The following FSD1L variants were observed in gnomAD, a reference collection of about 807,000 sequenced individuals.
FSD1L encodes the protein fibronectin type III and SPRY domain containing 1 like.
A neutral mutation model predicts 71.6 loss-of-function variants in FSD1L; 45 were observed. The ratio of observed to expected loss-of-function variants is 0.63; its 90% CI spans 0.49 to 0.81. The LOEUF is 0.81. FSD1L is among the 30% of genes least tolerant of loss of function. The pLI, the probability that FSD1L is intolerant of heterozygous loss-of-function variation, is 0.00. For missense variants in FSD1L, 561 were observed against 618.1 expected (o/e 0.91, Z 0.98); for synonymous variants, 197 against 207.2 (o/e 0.95, Z 0.42).
At chr9:105,491,547 TGG>T (rs1295911803) in intron 7 of FSD1L, among the ~76,000 whole-genome samples, 2 of 151,806 alleles carry the variant, frequency 1.3e-5, no homozygotes, top group Non-Finnish European at 2.9e-5. Context: ...TGAATAGGAG[TGG>T]TGAGAGAGGG....
At chr9:105,539,952 C>A (rs1447527575) in intron 13 of FSD1L, among the ~76,000 whole-genome samples, 1 of 151,942 alleles carries the variant, frequency 6.6e-6, no homozygotes, top group Non-Finnish European at 1.5e-5. Context: ...GCTATGAATA[C>A]TTTTGTTCAT....
At chr9:105,525,481 A>C in intron 10 of FSD1L, 2 of 1,609,818 alleles carry the variant, frequency 1.2e-6, no homozygotes, top group South Asian at 2.2e-5. Context: ...TGACTTAAAC[A>C]TGAAAGCTGT....
intron 6 of FSD1L, among the ~76,000 whole-genome samples, chr9:105,482,219 C>T (rs1189236965): frequency 1.3e-5 from 2 of 152,142 alleles, no homozygotes; most frequent in Non-Finnish European, 2.9e-5. Flanking sequence ...CACAGAGGAA[C>T]AGCAGGATTA....
At chr9:105,449,535 A>G (rs1829857924) in intron 1 of FSD1L, among the ~76,000 whole-genome samples, 3 of 152,228 alleles carry the variant, frequency 2.0e-5, no homozygotes, top group African/African-American at 7.2e-5. Context: ...GCTATTTACT[A>G]GCTCTGTGAT....
At chr9:105,514,517 T>C (rs115603906) in intron 10 of FSD1L, among the ~76,000 whole-genome samples, 2,402 of 152,326 alleles carry the variant, frequency 0.016, 89 homozygotes, top group African/African-American at 0.055. Flanking sequence ...AGATGAGATG[T>C]ATGTACAAGT....
rs1382580370 is a variant in FSD1L, at chr9:105,520,356, A to C, written c.1025+7420A>C. The stretch of plus-strand genomic sequence containing the variant: ...TTTGGAAAGTGATGTTTATTTAGTG[A>C]AAAAAAGAATGCAGAATCTATTGAT... On this transcript the variant is annotated intron_variant, in intron 10 of 13. Transcript: ENST00000481272. 4.0e-6 allele frequency: 5 copies of C among 1,241,364 alleles called. No individual in the cohort carries two copies. The African/African-American group carries it at 7.4e-5, about 18-fold the overall frequency. 76.9% of individuals were successfully genotyped at this position (1,241,364 alleles called of 1,614,324 possible).
intron 5 of FSD1L, chr9:105,472,518 C>T (rs942671740): frequency 6.6e-6 from 1 of 151,596 alleles, no homozygotes; most frequent in South Asian, 2.1e-4. Context: ...AAATGATTAC[C>T]ATTTTGTCAA....
At position 105,475,911 on chromosome 9, in the gene FSD1L, A is replaced by G. The variant is rs931983476; in HGVS notation, c.442-3443A>G. Among the ~76,000 whole-genome samples the G allele has an allele frequency of 3.3e-5, 5 of 152,252 alleles. No homozygotes were observed. In the South Asian group the frequency reaches 6.2e-4, roughly 19 times the overall value. ...AATGTATGGAATCAACTGGTGTGCAATCTTTTTTTTTCCAAAGACATATTT... is the reference window on the plus strand; with the variant it reads ...AATGTATGGAATCAACTGGTGTGCAGTCTTTTTTTTTCCAAAGACATATTT... On this transcript the variant is annotated intron_variant, in intron 5 of 13. Transcript: ENST00000481272.
At chr9:105,479,108 C>G (rs777860789) in intron 5 of FSD1L, among the ~76,000 whole-genome samples, 45 of 152,064 alleles carry the variant, frequency 3.0e-4, no homozygotes, top group Non-Finnish European at 3.1e-4. Flanking sequence ...GGAATTTGTT[C>G]GAAGTGTTAA....
intron 10 of FSD1L, among the ~76,000 whole-genome samples, chr9:105,515,792 T>TTTG (rs1207863297): frequency 1.6e-4 from 24 of 151,836 alleles, no homozygotes; most frequent in African/African-American, 5.3e-4. Context: ...CAGAAGGTTT[T>TTTG]TTTTTTTTTT....
At chr9:105,522,348 A>G in intron 10 of FSD1L, 1 of 1,614,082 alleles carries the variant, frequency 6.2e-7, no homozygotes, top group Non-Finnish European at 8.5e-7. Flanking sequence ...AAAAAAGCAC[A>G]AAGGGAAAGG....
intron 7 of FSD1L, among the ~76,000 whole-genome samples, chr9:105,492,917 C>CA (rs1305345005): frequency 6.6e-6 from 1 of 151,972 alleles, no homozygotes; most frequent in African/African-American, 2.4e-5. Flanking sequence ...GCTTTACTTC[C>CA]AAGTATGTGG....
At chr9:105,519,806 G>A (rs1193990558) in intron 10 of FSD1L, among the ~76,000 whole-genome samples, 1 of 152,156 alleles carries the variant, frequency 6.6e-6, no homozygotes, top group African/African-American at 2.4e-5. Context: ...CGGGGCCCCG[G>A]CCTGTGGCGG....
At chr9:105,517,902 T>C (rs1401077919) in intron 10 of FSD1L, among the ~76,000 whole-genome samples, 1 of 152,222 alleles carries the variant, frequency 6.6e-6, no homozygotes, top group Non-Finnish European at 1.5e-5. Flanking sequence ...CAGTATGCTA[T>C]ATTCAGGAGA....
At chr9:105,493,976 G>A (rs903975183) in intron 7 of FSD1L, among the ~76,000 whole-genome samples, 39 of 152,218 alleles carry the variant, frequency 2.6e-4, no homozygotes, top group African/African-American at 8.2e-4. Context: ...ACAATTATGT[G>A]TCTTGGAGTT....
Position 105,472,003 on chromosome 9 carries a change from A to G in FSD1L, c.439A>G (p.Lys147Glu). ...TATAAAGGAACCTGAAGAATTTTCA[A>G]AGGTACACAAAAACTGCATTAATAC... The part of the protein sequence containing the change: ...LDIKEPEEFS[K>E]AARQIKDRVT... Residue 147 changes from lysine (K) to glutamate (E), a missense_variant and splice_region_variant, in exon 5 of 14, where the codon AAG (lysine) becomes GAG (glutamate). Coordinates refer to ENST00000481272, the MANE Select transcript of FSD1L (RefSeq NM_001145313.3). 7.0e-7 allele frequency: 1 copy of G among 1,430,872 alleles called. No individual in the cohort carries two copies. The highest frequency in any genetic ancestry group is 9.2e-7 in the Non-Finnish European group (1 of 1,091,390). 88.6% of individuals were successfully genotyped at this position (1,430,872 alleles called of 1,614,324 possible).
chr9:105,535,045 C>A (rs1042354878), intron 11 of FSD1L, 22 bp from the exon 12 acceptor site: 45 of 1,550,832 alleles, frequency 2.9e-5, no homozygotes, highest in Non-Finnish European at 3.8e-5. Context: ...TGAGTCAAAT[C>A]TACCTTTCTG....
chr9:105,506,062 C>A (rs1834033596), intron 7 of FSD1L, among the ~76,000 whole-genome samples: 1 of 152,116 alleles, frequency 6.6e-6, no homozygotes, highest in Non-Finnish European at 1.5e-5. Context: ...AGGGAAAATA[C>A]ACTCTTGAAT....
intron 7 of FSD1L, among the ~76,000 whole-genome samples, chr9:105,487,583 T>C (rs1032068702): frequency 6.6e-6 from 1 of 152,124 alleles, no homozygotes; most frequent in Non-Finnish European, 1.5e-5. Context: ...TTCATGGGAT[T>C]GTTAGTCTTT....
Sources: gnomAD v4.1 joint callset for allele counts (sites outside exome capture counted in the v4.1 genomes callset) on GRCh38, gnomAD v4.1.1 for gene constraint, MANE v1.5 for transcripts, NCBI Gene and HGNC (gene_info 2026-07-23, HGNC 2026-07-21) for gene names.